The following ZNF548 variants were observed in gnomAD, a reference collection of about 807,000 sequenced individuals.
The protein encoded by ZNF548 is zinc finger protein 548.
In ZNF548, 10 loss-of-function variants were observed where a neutral mutation model predicts 10.2. The observed-to-expected ratio is 0.98, with a 90% confidence interval of 0.60 to 1.66. The LOEUF (loss-of-function observed/expected upper bound fraction) is 1.66. Ranked by LOEUF, ZNF548 falls within the 40% of genes most tolerant of loss-of-function variation. The pLI, the probability that ZNF548 is intolerant of heterozygous loss-of-function variation, is 0.00. For synonymous variants in ZNF548, 217 were observed against 223.5 expected, an observed-to-expected ratio of 0.97 and a Z score of 0.26; for missense variants, 599 against 657.0, an observed-to-expected ratio of 0.91 and a Z score of 0.97.
chr19:57,398,378 C>T (rs2088682361), intron 3 of ZNF548, 52 bp from the exon 4 acceptor site: 2 of 1,587,696 alleles, frequency 1.3e-6, no homozygotes, highest in Non-Finnish European at 8.6e-7. Context: ...GATGGAGCTG[C>T]TTCCTCCCAC....
intron 1 of ZNF548, among the ~76,000 whole-genome samples, chr19:57,392,545 C>G (rs1031697726): frequency 1.3e-5 from 2 of 152,130 alleles, no homozygotes; most frequent in Non-Finnish European, 2.9e-5. Flanking sequence ...AAAGTGTGTC[C>G]TTTCCGTAGT....
Position 57,399,571 on chromosome 19 carries a change from AT to A in ZNF548, c.1322del (p.Phe441SerfsTer80). Reference sequence around the variant, plus strand: ...CTTATGAGTGCAGCGAATGCGGGAAATTCTTTCGTTACAACTCCAACCTCAT... The same window carrying A: ...CTTATGAGTGCAGCGAATGCGGGAAATCTTTCGTTACAACTCCAACCTCAT... ...RPYECSECGKFFRYNSNLIKH... is the reference protein window; with the variant it reads ...RPYECSECGKXFRYNSNLIKH... On this transcript the variant is annotated frameshift_variant, in exon 4 of 4. Transcript: ENST00000336128. LOFTEE classifies it low-confidence loss of function (END_TRUNC). The surrounding 1 kb of genome is among the most constrained non-coding windows in gnomAD (Gnocchi z 4.0). The A allele has an allele frequency of 6.2e-7, 1 of 1,613,890 alleles. No homozygotes were observed. Among genetic ancestry groups the A allele is most frequent in the Non-Finnish European group, 8.5e-7 (1 of 1,179,960 alleles).
chr19:57,390,795 A>G (rs1282017357), intron 1 of ZNF548: 2 of 152,262 alleles, frequency 1.3e-5, no homozygotes, highest in African/African-American at 4.8e-5. Context: ...GGACATGGTG[A>G]TTCTCAAATG....
chr19:57,401,892 C>T lies in ZNF548; in HGVS notation c.*2003C>T, dbSNP rs1383128829. The T allele has an allele frequency of 6.6e-6, 1 of 152,160 alleles. No homozygotes were observed. The highest frequency in any genetic ancestry group is 1.5e-5 in the Non-Finnish European group (1 of 68,054). The allele number at this position is 152,160 out of a possible 1,614,324, so 9.4% of individuals were successfully genotyped here. A position where few individuals can be genotyped will look rare whatever the true frequency, so the allele number is the denominator to read the frequency against. Reference sequence around the variant, plus strand: ...TAGCTTGGATTACAAGTGTACACCACCACACCTGGCTAATTTTTGTATTTT... The same window carrying T: ...TAGCTTGGATTACAAGTGTACACCATCACACCTGGCTAATTTTTGTATTTT... On this transcript the variant is annotated 3_prime_UTR_variant, in exon 4 of 4. Transcript: ENST00000336128.
chr19:57,399,157 T>C lies in ZNF548; in HGVS notation c.906T>C (p.Phe302=). Residue 302 remains phenylalanine (F), a synonymous_variant, in exon 4 of 4, where the codon TTT becomes TTC. Transcript: ENST00000336128. This position sits in a 1 kb window ranked among gnomAD's most constrained non-coding sequence, Gnocchi z 4.0. ...AGTGCAACACATGTGGGAAATTCTT[T>C]CGGTACAGCTCCACATTTGTTAGAC... ...PYECNTCGKF[F]RYSSTFVRHQ... The C allele has an allele frequency of 6.2e-7, 1 of 1,614,114 alleles. No homozygotes were observed. Among genetic ancestry groups the C allele is most frequent in the South Asian group, 1.1e-5 (1 of 91,082 alleles).
chr19:57,393,889 A>G (rs377433584), intron 1 of ZNF548, among the ~76,000 whole-genome samples: 3 of 152,292 alleles, frequency 2.0e-5, no homozygotes, highest in South Asian at 2.1e-4. Context: ...GTACAAAACC[A>G]TTAATCTTGG....
At chr19:57,391,789 G>GGTT (rs775431317) in intron 1 of ZNF548, among the ~76,000 whole-genome samples, 8 of 93,582 alleles carry the variant, frequency 8.5e-5, no homozygotes, top group Non-Finnish European at 6.0e-5. Context: ...TGTGCTTACT[G>GGTT]TTTTTTTTTT....
rs768901752 is a variant in ZNF548 at position 57,399,190 on chromosome 19, AGTTCACACCGGAGAAAGGCC to A, written c.942_961del (p.His315Ter). 1.3e-5 allele frequency: 21 copies of A among 1,614,010 alleles called. No individual in the cohort carries two copies. The highest frequency in any genetic ancestry group is 1.8e-5 in the Non-Finnish European group (21 of 1,180,036). On this transcript the variant is annotated frameshift_variant, in exon 4 of 4. Transcript: ENST00000336128. LOFTEE classifies it low-confidence loss of function (END_TRUNC). The surrounding 1 kb of genome is among the most constrained non-coding windows in gnomAD (Gnocchi z 4.0). ...GCTCCACATTTGTTAGACATCAGAG[AGTTCACACCGGAGAAAGGCC>A]GTATGAGTGCAGGGAATGTGGGAAA... is the stretch of plus-strand genomic sequence containing the variant.
chr19:57,394,096 C>T (rs1010540448), intron 1 of ZNF548, 92 bp from the exon 2 acceptor site: 3 of 1,364,052 alleles, frequency 2.2e-6, no homozygotes, highest in Non-Finnish European at 3.0e-6. Flanking sequence ...GATCAGTTTG[C>T]TCCCAGGCAG....
intron 3 of ZNF548, among the ~76,000 whole-genome samples, chr19:57,397,733 A>G (rs972252238): frequency 2.4e-4 from 36 of 152,060 alleles, no homozygotes; most frequent in African/African-American, 7.5e-4. Context: ...GAGGGTGGAT[A>G]TTACTTCAAC....
Position 57,389,935 on chromosome 19 carries a change from CG to C in ZNF548, c.-164del, listed in dbSNP as rs1221146453. The C allele has an allele frequency of 2.5e-6, 2 of 807,086 alleles. No homozygotes were observed. Among genetic ancestry groups the C allele is most frequent in the Non-Finnish European group, 3.8e-6 (2 of 526,968 alleles). 50.0% of individuals were successfully genotyped at this position (807,086 alleles called of 1,614,324 possible). ...AACTTCGGCCTATGGCTCTGTCTGA[CG>C]TCACCGAAGTGACGGAACGGAAAAG... On this transcript the variant is annotated 5_prime_UTR_variant, in exon 1 of 4. An upstream open reading frame in the 5' UTR gains an earlier in-frame stop. Transcript: ENST00000336128.
At chr19:57,392,752 G>T in intron 1 of ZNF548, 1 of 985,064 alleles carries the variant, frequency 1.0e-6, no homozygotes, top group African/African-American at 1.7e-5. Context: ...AGTATAATTT[G>T]AAGTCAGATG....
chr19:57,397,776 G>C (rs956681425), intron 3 of ZNF548, among the ~76,000 whole-genome samples: 8 of 152,212 alleles, frequency 5.3e-5, no homozygotes, highest in Non-Finnish European at 1.0e-4. Context: ...CATGGCCCTG[G>C]TGCCTGGGAA....
At chr19:57,392,772 T>G in intron 1 of ZNF548, 3 of 985,456 alleles carry the variant, frequency 3.0e-6, no homozygotes, top group Non-Finnish European at 3.6e-6. Flanking sequence ...GGACTTAATT[T>G]GAGGGAAATC....
chr19:57,397,171 C>G lies in ZNF548; in HGVS notation c.175C>G (p.Leu59Val). Reference sequence around the variant, plus strand: ...GGAGAATTTGGCCCTTTTGTCCTCACTAGGTAAGGCCCTCACACTTGCCCA... The same window carrying G: ...GGAGAATTTGGCCCTTTTGTCCTCAGTAGGTAAGGCCCTCACACTTGCCCA... The part of the protein sequence containing the change: ...MLENLALLSS[L>V]GSWHGAEDEE... The change falls in exon 3 of 4, where the codon CTA becomes GTA. Residue 59 changes from leucine to valine, a missense_variant. Transcript: ENST00000336128. 1 of 1,604,052 alleles carries G rather than the reference C, an allele frequency of 6.2e-7. No individual in the cohort carries two copies. The highest frequency in any genetic ancestry group is 1.1e-5 in the South Asian group (1 of 89,808).
In ZNF548 at chr19:57,399,824, T is replaced by G. The variant is rs374095687; in HGVS notation, c.1573T>G (p.Ser525Ala). 71 of 1,613,648 alleles carry G rather than the reference T, an allele frequency of 4.4e-5. 1 individual carries two copies. The highest frequency in any genetic ancestry group is 5.8e-5 in the Non-Finnish European group (69 of 1,179,716). ...TGTGTGCTCCATGAATGTGGGGAAT[T>G]CTTTAGCTAAAACTCCAACCTCATT... ...RLVCSMNVGN[S>A]LAKTPTSLNI... is the part of the protein sequence containing the mutation. Residue 525 changes from serine (S) to alanine (A), a missense_variant, in exon 4 of 4, where the codon TCT becomes GCT. By Grantham distance (99) the Ser-to-Ala change is moderately conservative. Coordinates refer to ENST00000336128, the MANE Select transcript of ZNF548 (RefSeq NM_001172773.2). This position sits in a 1 kb window ranked among gnomAD's most constrained non-coding sequence, Gnocchi z 4.0.
intron 1 of ZNF548, chr19:57,393,032 C>G (rs751320419): frequency 7.4e-6 from 7 of 949,332 alleles, no homozygotes; most frequent in Non-Finnish European, 8.8e-6. Flanking sequence ...CTCAGGGCCA[C>G]TCTCTGTTGA....
rs1410411916 is a variant in ZNF548, at chr19:57,402,972, C to T, written c.*3083C>T. ...GCCATGGTGTGTAGCATTTTAGTCA[C>T]ATTAAAATGCAGTTATGGCAGCATG... On this transcript the variant is annotated 3_prime_UTR_variant, in exon 4 of 4. Transcript: ENST00000336128. 1 of 152,200 alleles carries T rather than the reference C, an allele frequency of 6.6e-6. No individual in the cohort carries two copies. Among genetic ancestry groups the T allele is most frequent in the African/African-American group, 2.4e-5 (1 of 41,438 alleles). The allele number at this position is 152,200 out of a possible 1,614,324, so 9.4% of individuals were successfully genotyped here.
At chr19:57,397,394 C>T in intron 3 of ZNF548, 10 of 614,718 alleles carry the variant, frequency 1.6e-5, no homozygotes, top group Non-Finnish European at 2.5e-5. Context: ...AGAAAGGGCT[C>T]AAGAGCCAGA....
Sources: gnomAD v4.1 joint callset for allele counts (sites outside exome capture counted in the v4.1 genomes callset) on GRCh38, gnomAD v4.1.1 for gene constraint, Gnocchi (gnomAD v3.1) non-coding constraint, MANE v1.5 for transcripts, NCBI Gene and HGNC (gene_info 2026-07-23, HGNC 2026-07-21) for gene names.